Variants in CACNA1C observed in about 807,000 individuals in gnomAD.
The protein encoded by CACNA1C is calcium voltage-gated channel subunit alpha1 C, also known as voltage-dependent L-type calcium channel subunit alpha-1C.
Under a neutral mutation model 229.0 loss-of-function variants are expected in CACNA1C, and 30 were observed. The ratio of observed to expected loss-of-function variants is 0.13; its 90% CI spans 0.10 to 0.18. The LOEUF (loss-of-function observed/expected upper bound fraction) is 0.18. Among genes scored for constraint, CACNA1C ranks in the 10% least tolerant of loss-of-function variants. CACNA1C has a pLI of 1.00. For missense variants in CACNA1C, 1,658 were observed against 2,845.0 expected (o/e 0.58, Z 9.49); for synonymous variants, 1,114 against 1,132.5 (o/e 0.98, Z 0.33).
At chr12:2,081,428 G>A (rs1381730825) in intron 1 of CACNA1C, among the ~76,000 whole-genome samples, 1 of 152,110 alleles carries the variant, frequency 6.6e-6, no homozygotes, top group South Asian at 2.1e-4. Context: ...AAAATTAGCC[G>A]AGCATATTGG....
At chr12:2,280,032 A>AT in intron 3 of CACNA1C, among the ~76,000 whole-genome samples, 1 of 152,308 alleles carries the variant, frequency 6.6e-6, no homozygotes, top group South Asian at 2.1e-4. Context: ...TTTACAGTGG[A>AT]TTTCTCATAA....
intron 1 of CACNA1C, among the ~76,000 whole-genome samples, chr12:2,101,476 C>T (rs2076386657): frequency 6.6e-6 from 1 of 152,110 alleles, no homozygotes; most frequent in African/African-American, 2.4e-5. Context: ...GGAGCTACAG[C>T]TCCATCGTCG....
intron 5 of CACNA1C, among the ~76,000 whole-genome samples, chr12:2,482,221 A>ACATCTGGGCTCTCCTGGAAG (rs2099678682): frequency 6.6e-6 from 1 of 152,240 alleles, no homozygotes; most frequent in African/African-American, 2.4e-5. Flanking sequence ...AGCCTTGGAA[A>ACATCTGGGCTCTCCTGGAAG]CATCTGGGCT....
chr12:2,510,471 G>A (rs58753065), intron 8 of CACNA1C, among the ~76,000 whole-genome samples: 15,214 of 152,122 alleles, frequency 0.1, 827 homozygotes, highest in Middle Eastern at 0.19. Flanking sequence ...TTCAAGCCAG[G>A]CAGAATCACC....
intron 3 of CACNA1C, among the ~76,000 whole-genome samples, chr12:2,194,250 GCCT>G (rs56198094): frequency 0.14 from 18,628 of 133,372 alleles, 2,840 homozygotes; most frequent in African/African-American, 0.4. Flanking sequence ...CTCCTCCACT[GCCT>G]CCTCCTCCTC....
chr12:2,116,167 CA>C (rs2083753837), intron 2 of CACNA1C, among the ~76,000 whole-genome samples: 1 of 152,210 alleles, frequency 6.6e-6, no homozygotes, highest in Non-Finnish European at 1.5e-5. Context: ...AACAAACAAA[CA>C]AAAAACAACA....
intron 14 of CACNA1C, 116 bp from the exon 15 acceptor site, chr12:2,582,706 G>C: frequency 9.0e-7 from 1 of 1,109,740 alleles, no homozygotes; most frequent in Non-Finnish European, 1.3e-6. Context: ...AGGAGGGAAA[G>C]AAGTGAAAGG....
chr12:2,378,660 C>T (rs565879591), intron 3 of CACNA1C, among the ~76,000 whole-genome samples: 5 of 152,318 alleles, frequency 3.3e-5, no homozygotes, highest in East Asian at 3.9e-4. Flanking sequence ...TAAATAAGGT[C>T]GGGGATAAAA....
At chr12:2,150,463 AAAG>A (rs1334727530) in intron 3 of CACNA1C, among the ~76,000 whole-genome samples, 1 of 152,212 alleles carries the variant, frequency 6.6e-6, no homozygotes, top group Non-Finnish European at 1.5e-5. Flanking sequence ...AATGCTCACC[AAAG>A]AAGAACAAGA....
At chr12:2,688,356 C>T in intron 45 of CACNA1C, 91 bp from the exon 46 acceptor site, 1 of 1,191,968 alleles carries the variant, frequency 8.4e-7, no homozygotes, top group Non-Finnish European at 1.2e-6. Flanking sequence ...CTGGACACAG[C>T]AGCTGCAAAG....
At chr12:2,203,743 C>G (rs531641272) in intron 3 of CACNA1C, among the ~76,000 whole-genome samples, 8 of 152,288 alleles carry the variant, frequency 5.3e-5, no homozygotes, top group Non-Finnish European at 1.0e-4. Context: ...CCTTGGGGCC[C>G]TCTGGCATCT....
At chr12:2,590,930 T>A (rs2064994221) in intron 18 of CACNA1C, among the ~76,000 whole-genome samples, 1 of 152,228 alleles carries the variant, frequency 6.6e-6, no homozygotes, top group Non-Finnish European at 1.5e-5. Flanking sequence ...ATACCATGAT[T>A]TAGGCCAATT....
chr12:2,120,858 G>C (rs560244454), intron 3 of CACNA1C, among the ~76,000 whole-genome samples: 2 of 152,076 alleles, frequency 1.3e-5, no homozygotes, highest in African/African-American at 4.8e-5. Flanking sequence ...GTTGCTGCAC[G>C]ATAAATAATT....
At chr12:2,685,408 T>C in intron 43 of CACNA1C, among the ~76,000 whole-genome samples, 2 of 150,840 alleles carry the variant, frequency 1.3e-5, no homozygotes. Flanking sequence ...CCAAGGCCAT[T>C]CCCCAAAAGA....
intron 3 of CACNA1C, among the ~76,000 whole-genome samples, chr12:2,382,176 A>G (rs1386544717): frequency 6.6e-6 from 1 of 152,250 alleles, no homozygotes; most frequent in Non-Finnish European, 1.5e-5. Flanking sequence ...AGTATAGACA[A>G]CACACCACAA....
At chr12:2,474,943 T>C (rs1164488457) in intron 5 of CACNA1C, among the ~76,000 whole-genome samples, 1 of 152,056 alleles carries the variant, frequency 6.6e-6, no homozygotes, top group Non-Finnish European at 1.5e-5. Flanking sequence ...CAAATGTGAA[T>C]CCTCTGTGGA....
At chr12:2,413,107 T>A (rs1353913993) in intron 3 of CACNA1C, among the ~76,000 whole-genome samples, 1 of 152,196 alleles carries the variant, frequency 6.6e-6, no homozygotes. Flanking sequence ...AACCTCCGCC[T>A]CCTGGGTTCA....
chr12:2,293,870 C>T (rs763207033), intron 3 of CACNA1C, among the ~76,000 whole-genome samples: 1 of 152,234 alleles, frequency 6.6e-6, no homozygotes, highest in African/African-American at 2.4e-5. Flanking sequence ...TAGATAACAG[C>T]AGCTTCCAGT....
At chr12:2,364,444 G>A (rs190164957) in intron 3 of CACNA1C, among the ~76,000 whole-genome samples, 15 of 152,280 alleles carry the variant, frequency 9.9e-5, no homozygotes, top group African/African-American at 2.9e-4. Flanking sequence ...CTGTAAACCC[G>A]GTGTGGCGGC....
Sources: gnomAD v4.1 joint callset for allele counts (sites outside exome capture counted in the v4.1 genomes callset) on GRCh38, gnomAD v4.1.1 for gene constraint, MANE v1.5 for transcripts, NCBI Gene and HGNC (gene_info 2026-07-23, HGNC 2026-07-21) for gene names.